Variants in ITIH3 observed in about 807,000 individuals in gnomAD.
ITIH3 encodes the protein inter-alpha-trypsin inhibitor heavy chain 3.
Under a neutral mutation model 96.5 loss-of-function variants are expected in ITIH3, and 81 were observed. The ratio of observed to expected loss-of-function variants is 0.84; its 90% CI spans 0.70 to 1.01. ITIH3 has a LOEUF of 1.01. ITIH3 is among the 50% of genes least tolerant of loss of function. The pLI, the probability that ITIH3 is intolerant of heterozygous loss-of-function variation, is 0.00. For missense variants in ITIH3, 1,057 were observed against 1,139.3 expected (o/e 0.93, Z 1.04); for synonymous variants, 422 against 445.2 (o/e 0.95, Z 0.66).
At chr3:52,803,179 A>G (rs890619356) in intron 13 of ITIH3, among the ~76,000 whole-genome samples, 16 of 152,338 alleles carry the variant, frequency 1.1e-4, no homozygotes, top group African/African-American at 3.6e-4. Context: ...GGGTGGGATT[A>G]GACTGTGAAG....
chr3:52,804,515 A>G, intron 14 of ITIH3: 3 of 577,332 alleles, frequency 5.2e-6, no homozygotes, highest in Admixed American at 6.2e-5. Flanking sequence ...GCATTGGGAG[A>G]CATGGGAGGC....
chr3:52,807,035 A>T lies in ITIH3; in HGVS notation c.2191A>T (p.Ile731Phe), dbSNP rs1700080700. The change falls in exon 19 of 22, where the codon ATC becomes TTC. Residue 731 changes from isoleucine (I) to phenylalanine (F), a missense_variant. By Grantham distance (21) the Ile-to-Phe change is conservative. Transcript: ENST00000449956. ...DFQVEVTTEK[I>F]TLWNRAVPST... is the part of the protein sequence containing the mutation. ...CCAGGTGGAGGTGACAACGGAGAAGATCACCCTGTGGAACAGGGCCGTGCC... is the reference window on the plus strand; with the variant it reads ...CCAGGTGGAGGTGACAACGGAGAAGTTCACCCTGTGGAACAGGGCCGTGCC... 1.2e-6 allele frequency: 2 copies of T among 1,602,316 alleles called. No homozygotes were observed. Among genetic ancestry groups the T allele is most frequent in the African/African-American group, 2.7e-5 (2 of 74,826 alleles).
rs1559474726 is a variant in ITIH3, at chr3:52,807,883, C to CT, written c.2398_2399insT (p.His800LeufsTer19). 1.6e-5 allele frequency: 25 copies of CT among 1,612,624 alleles called. No individual in the cohort carries two copies. Among genetic ancestry groups the CT allele is most frequent in the Non-Finnish European group, 2.1e-5 (25 of 1,179,346 alleles). ...TCTAGGCTTCTACGTGGTGGACAGTCACCGGATGTCAGCACAGACGCATGG... is the reference window on the plus strand; with the variant it reads ...TCTAGGCTTCTACGTGGTGGACAGTCTACCGGATGTCAGCACAGACGCATGG... On this transcript the variant is annotated frameshift_variant, in exon 20 of 22. Coordinates refer to ENST00000449956, the MANE Select transcript of ITIH3 (RefSeq NM_002217.4). LOFTEE classifies it high-confidence loss of function.
At chr3:52,796,387 A>T in intron 2 of ITIH3, 94 bp from the exon 3 acceptor site, 1 of 1,129,938 alleles carries the variant, frequency 8.9e-7, no homozygotes, top group Non-Finnish European at 1.3e-6. Flanking sequence ...CAGGGGCCTC[A>T]GAGCCTCCAA....
chr3:52,801,487 A>G (rs1252495758), intron 11 of ITIH3, among the ~76,000 whole-genome samples: 2 of 152,228 alleles, frequency 1.3e-5, no homozygotes, highest in African/African-American at 2.4e-5. Context: ...AGTGGCTTCA[A>G]TGAGAGAAAC....
rs1239722953 is a variant in ITIH3 at position 52,795,583 on chromosome 3, G to GTTTGTT, written c.94-10_94-5dup. 2 of 1,608,652 alleles carry GTTTGTT rather than the reference G, an allele frequency of 1.2e-6. No individual in the cohort carries two copies. The highest frequency in any genetic ancestry group is 2.7e-5 in the African/African-American group (2 of 75,002). ...GCCTTGGCCTGATTCCTGTGTTTGTGTTTGTTTTTGTTTTTTCAGAAACGG... is the reference window on the plus strand; with the variant it reads ...GCCTTGGCCTGATTCCTGTGTTTGTGTTTGTTTTTGTTTTTGTTTTTTCAGAAACGG... On this transcript the variant is annotated intron_variant, in intron 1 of 21. Transcript: ENST00000449956.
intron 11 of ITIH3, 149 bp from the exon 12 acceptor site, chr3:52,802,185 C>T (rs1225261709): frequency 2.6e-6 from 2 of 764,258 alleles, no homozygotes; most frequent in Admixed American, 3.0e-5. Flanking sequence ...GGGGAGGCCC[C>T]CACAGACTGA....
chr3:52,796,278 C>G (rs1283921006), intron 2 of ITIH3, among the ~76,000 whole-genome samples: 2 of 152,160 alleles, frequency 1.3e-5, no homozygotes, highest in African/African-American at 2.4e-5. Context: ...GGAGGCAGGA[C>G]AAGCATCTGA....
intron 21 of ITIH3, 85 bp from the exon 22 acceptor site, chr3:52,808,467 C>T: frequency 6.4e-7 from 1 of 1,555,600 alleles, no homozygotes; most frequent in Non-Finnish European, 8.8e-7. Flanking sequence ...TTGCCAACTT[C>T]CCACCCTTTT....
intron 4 of ITIH3, 26 bp from the exon 5 acceptor site, chr3:52,797,079 G>T (rs753880264): frequency 6.2e-7 from 1 of 1,601,398 alleles, no homozygotes; most frequent in East Asian, 2.2e-5. Context: ...GTCTTTGAGG[G>T]AGTCACCATC....
chr3:52,805,656 C>T, intron 15 of ITIH3, 152 bp from the exon 16 acceptor site: 1 of 1,476,450 alleles, frequency 6.8e-7, no homozygotes, highest in South Asian at 1.4e-5. Flanking sequence ...TGCCCGATTT[C>T]CAAAGCCTAA....
intron 2 of ITIH3, chr3:52,796,059 G>C (rs1039875883): frequency 4.3e-6 from 1 of 229,914 alleles, no homozygotes; most frequent in Admixed American, 5.3e-5. Flanking sequence ...TCCTCTTTGG[G>C]AGACAGAATG....
rs758891159 is a variant in ITIH3, at chr3:52,804,744, T to A, written c.1873+10T>A. The A allele has an allele frequency of 1.3e-6, 2 of 1,588,744 alleles. No homozygotes were observed. The highest frequency in any genetic ancestry group is 1.8e-5 in the Admixed American group (1 of 56,588). ...CCTGCAGATGCAGAAGGTAAGCCTT[T>A]AGCCAGCCACCGGGTTGGGCATTAT... On this transcript the variant is annotated intron_variant, in intron 15 of 21. Coordinates refer to ENST00000449956, the MANE Select transcript of ITIH3 (RefSeq NM_002217.4).
intron 15 of ITIH3, 52 bp from the exon 16 acceptor site, chr3:52,805,756 G>T (rs772003859): frequency 6.2e-7 from 1 of 1,611,158 alleles, no homozygotes; most frequent in South Asian, 1.1e-5. Context: ...GCACGGGGCT[G>T]GGGGAGAAGG....
At chr3:52,806,216 G>A (rs964602934) in intron 17 of ITIH3, 77 bp from the exon 18 acceptor site, 5 of 1,598,840 alleles carry the variant, frequency 3.1e-6, no homozygotes, top group Non-Finnish European at 4.3e-6. Context: ...CGAGCCCATG[G>A]AGGCCAGAAG....
intron 13 of ITIH3, among the ~76,000 whole-genome samples, chr3:52,803,538 C>T (rs557410188): frequency 3.6e-3 from 548 of 152,176 alleles, no homozygotes; most frequent in African/African-American, 0.012. Flanking sequence ...AGGCTGATCT[C>T]GAACTCCTGA....
Position 52,807,854 on chromosome 3 carries a change from A to C in ITIH3, c.2369A>C (p.Asp790Ala). Residue 790 changes from aspartate (D) to alanine (A), a missense_variant, in exon 20 of 22, where the codon GAC (aspartate) becomes GCC (alanine). Physicochemically the swap from Asp to Ala is moderately radical, Grantham distance 126. Coordinates refer to ENST00000449956, the MANE Select transcript of ITIH3 (RefSeq NM_002217.4). ...TGGAAGAAACATCCTGTCCACCGTG[A>C]CTTTCTAGGCTTCTACGTGGTGGAC... is the stretch of plus-strand genomic sequence containing the variant. ...QVWKKHPVHR[D>A]FLGFYVVDSH... The C allele has an allele frequency of 6.2e-7, 1 of 1,611,988 alleles. No individual in the cohort carries two copies. Among genetic ancestry groups the C allele is most frequent in the South Asian group, 1.1e-5 (1 of 90,476 alleles).
chr3:52,796,691 G>C (rs1237795666), intron 3 of ITIH3, 44 bp downstream of exon 3: 1 of 1,605,792 alleles, frequency 6.2e-7, no homozygotes, highest in Non-Finnish European at 8.5e-7. Context: ...GGGAACAGGG[G>C]GTCTGGCCCA....
rs776721044 is a variant in ITIH3 at position 52,802,358 on chromosome 3, C to T, written c.1408C>T (p.Pro470Ser). Residue 470 changes from proline (P) to serine (S), a missense_variant, in exon 12 of 22, where the codon CCA (proline) becomes TCA (serine). Coordinates refer to ENST00000449956, the MANE Select transcript of ITIH3 (RefSeq NM_002217.4). ...GGGCTTCTATGAGGAGGTGGCCAAC[C>T]CACTGCTGACGGGTGTGGAGATGGA... ...LQGFYEEVAN[P>S]LLTGVEMEYP... The T allele has an allele frequency of 6.2e-6, 10 of 1,613,794 alleles. No individual in the cohort carries two copies. Among genetic ancestry groups the T allele is most frequent in the South Asian group, 1.1e-5 (1 of 91,090 alleles).
Sources: gnomAD v4.1 joint callset for allele counts (sites outside exome capture counted in the v4.1 genomes callset) on GRCh38, gnomAD v4.1.1 for gene constraint, MANE v1.5 for transcripts, NCBI Gene and HGNC (gene_info 2026-07-23, HGNC 2026-07-21) for gene names.